WLS: variants seen among roughly 807,000 people sequenced by gnomAD.
The protein encoded by WLS is protein wntless homolog.
WLS carries 23 observed loss-of-function variants against 62.8 expected under a neutral mutation model. The ratio of observed to expected loss-of-function variants is 0.37; its 90% CI spans 0.26 to 0.52. The LOEUF (loss-of-function observed/expected upper bound fraction) is 0.52, where lower values mean the gene tolerates loss of function less well. WLS is among the 20% of genes least tolerant of loss of function. The pLI is 0.92. For synonymous variants in WLS, 246 were observed against 244.1 expected (o/e 1.01, Z -0.07); for missense variants, 615 against 697.3 (o/e 0.88, Z 1.33).
intron 1 of WLS, among the ~76,000 whole-genome samples, chr1:68,206,282 T>C (rs1439610967): frequency 6.6e-6 from 1 of 152,112 alleles, no homozygotes; most frequent in Non-Finnish European, 1.5e-5. Context: ...AGATAAAAGG[T>C]CAAATATGTG....
chr1:68,185,478 A>G (rs2100580133), intron 2 of WLS, among the ~76,000 whole-genome samples: 1 of 152,274 alleles, frequency 6.6e-6, no homozygotes, highest in Middle Eastern at 3.4e-3. Flanking sequence ...AGTAGGGGGT[A>G]AGAGGTGGGT....
chr1:68,188,151 G>C lies in WLS; in HGVS notation c.379+5804C>G, dbSNP rs575217982. 2.6e-5 allele frequency among the ~76,000 whole-genome samples: 4 copies of C among 152,282 alleles called. No individual in the cohort carries two copies. In the South Asian group the frequency reaches 8.3e-4, roughly 32 times the overall value. The stretch of plus-strand genomic sequence containing the variant: ...CTAAACAACTGCCTGTCATGTAACA[G>C]GCTGCTCGAAAGCAGCAACATACTA... On this transcript the variant is annotated intron_variant, in intron 2 of 11. Transcript: ENST00000262348.
In WLS at chr1:68,125,455, G is replaced by A. The variant is rs1646415653; in HGVS notation, c.*771C>T. On this transcript the variant is annotated 3_prime_UTR_variant, in exon 12 of 12. Coordinates refer to ENST00000262348, the MANE Select transcript of WLS (RefSeq NM_024911.7). ...TCTACACTTTTGGAGGCTATTTGAA[G>A]TATCTTATCAAAATAAAACGCATTT... The A allele has an allele frequency of 1.0e-6, 1 of 985,412 alleles. No individual in the cohort carries two copies. The highest frequency in any genetic ancestry group is 5.2e-4 in the Middle Eastern group (1 of 1,914). The allele number at this position is 985,412 out of a possible 1,614,324, so 61.0% of individuals were successfully genotyped here. A position where few individuals can be genotyped will look rare whatever the true frequency, so the allele number is the denominator to read the frequency against.
At chr1:68,170,502 A>T (rs1226771615) in intron 2 of WLS, among the ~76,000 whole-genome samples, 1 of 152,058 alleles carries the variant, frequency 6.6e-6, no homozygotes, top group Non-Finnish European at 1.5e-5. Context: ...ACTCAAGGTT[A>T]TCTACACCTG....
In WLS at chr1:68,104,698, C is replaced by T. The variant is rs1356639520; in HGVS notation, c.1511-5945G>A. 2.6e-5 allele frequency among the ~76,000 whole-genome samples: 4 copies of T among 152,090 alleles called. No homozygotes were observed. In the South Asian group the frequency reaches 6.2e-4, roughly 24 times the overall value. ...GCTGAGGCAGAAGGATCTCTTGAGC[C>T]CAGGAGTTTGATCAAGACCAGCCAG... On this transcript the variant is annotated intron_variant, in intron 11 of 11. Transcript: ENST00000354777.
intron 1 of WLS, among the ~76,000 whole-genome samples, chr1:68,201,786 T>C (rs995803486): frequency 6.6e-6 from 1 of 152,014 alleles, no homozygotes; most frequent in Admixed American, 6.6e-5. Context: ...CATAGCAGAG[T>C]TGAATGCAAA....
At chr1:68,179,160 G>A (rs1344726070) in intron 2 of WLS, among the ~76,000 whole-genome samples, 1 of 152,180 alleles carries the variant, frequency 6.6e-6, no homozygotes, top group African/African-American at 2.4e-5. Flanking sequence ...TGTCTTGACT[G>A]AGCACTATCT....
At chr1:68,193,927 A>G (rs757559174) in intron 2 of WLS, 28 bp downstream of exon 2, 33 of 1,598,912 alleles carry the variant, frequency 2.1e-5, no homozygotes, top group African/African-American at 1.3e-5. Context: ...CAAAGGGAAG[A>G]AAGGGATGAG....
chr1:68,201,717 T>C (rs1463780713), intron 1 of WLS, among the ~76,000 whole-genome samples: 1 of 152,234 alleles, frequency 6.6e-6, no homozygotes, highest in African/African-American at 2.4e-5. Context: ...TTTTTTTTAA[T>C]ACAGCAGAAC....
rs530017589 is a variant in WLS, at chr1:68,226,112, A to T, written c.106+6082T>A. On this transcript the variant is annotated intron_variant, in intron 1 of 11. Coordinates refer to ENST00000262348, the MANE Select transcript of WLS (RefSeq NM_024911.7). ...TCCATTTCATTTATCATCACATTTA[A>T]TATTTTCTTCCTTTTGATGTTACCT... Among the ~76,000 whole-genome samples the T allele has an allele frequency of 2.0e-5, 3 of 152,274 alleles. No individual in the cohort carries two copies. The South Asian group carries it at 6.2e-4, about 32-fold the overall frequency.
intron 11 of WLS, among the ~76,000 whole-genome samples, chr1:68,108,411 A>G (rs1646176415): frequency 1.3e-5 from 2 of 152,216 alleles, no homozygotes; most frequent in South Asian, 2.1e-4. Flanking sequence ...CTAAAATCCA[A>G]ATGAAGTCAT....
At chr1:68,204,693 T>C (rs1649204222) in intron 1 of WLS, among the ~76,000 whole-genome samples, 1 of 152,192 alleles carries the variant, frequency 6.6e-6, no homozygotes, top group South Asian at 2.1e-4. Flanking sequence ...CAGTTTTAGG[T>C]TCTAGCTCAA....
At chr1:68,145,021 A>G (rs572849574) in intron 9 of WLS, among the ~76,000 whole-genome samples, 13 of 152,224 alleles carry the variant, frequency 8.5e-5, no homozygotes, top group Non-Finnish European at 1.8e-4. Flanking sequence ...CAGTGAACAA[A>G]AAGAAATGTG....
intron 11 of WLS, among the ~76,000 whole-genome samples, chr1:68,132,194 A>AG (rs1646536456): frequency 6.6e-6 from 1 of 152,184 alleles, no homozygotes. Flanking sequence ...TGGGAGAGGC[A>AG]GGGGGCAGAA....
At chr1:68,161,636 G>T in intron 2 of WLS, 1 of 786,586 alleles carries the variant, frequency 1.3e-6, no homozygotes, top group Non-Finnish European at 2.1e-6. Context: ...CAGCATCAAT[G>T]ATGCATAAGT....
At chr1:68,191,741 C>T (rs545936136) in intron 2 of WLS, among the ~76,000 whole-genome samples, 142 of 152,300 alleles carry the variant, frequency 9.3e-4, no homozygotes, top group Non-Finnish European at 1.7e-3. Context: ...ATGGGAACCA[C>T]CACTTAAAAG....
chr1:68,193,398 T>TAAA lies in WLS; in HGVS notation c.379+554_379+556dup, dbSNP rs904327955. On this transcript the variant is annotated intron_variant, in intron 2 of 11. Transcript: ENST00000262348. ...TCAGAGTTTTTAACTGCAAATAAGC[T>TAAA]AAAAAAAAAAAAAAAAAAAAAAAAA... is the stretch of plus-strand genomic sequence containing the variant. Among the ~76,000 whole-genome samples the TAAA allele has an allele frequency of 4.4e-3, 68 of 15,442 alleles. 13 individuals are homozygous for TAAA. The highest frequency in any genetic ancestry group is 6.7e-3 in the Non-Finnish European group (43 of 6,452). 10.1% of individuals were successfully genotyped at this position (15,442 alleles called of 152,430 possible).
At chr1:68,221,966 G>T (rs1042897867) in intron 1 of WLS, among the ~76,000 whole-genome samples, 1 of 152,134 alleles carries the variant, frequency 6.6e-6, no homozygotes, top group Non-Finnish European at 1.5e-5. Flanking sequence ...TGAAGAAATG[G>T]CAGAGACGAA....
rs756860259 is a variant in WLS, at chr1:68,148,139, C to T, written c.1131G>A (p.Leu377=). 1.5e-5 allele frequency: 25 copies of T among 1,614,042 alleles called. No individual in the cohort carries two copies. The East Asian group carries it at 4.9e-4, about 32-fold the overall frequency. The change falls in exon 8 of 12, where the codon CTG becomes CTA. Residue 377 remains leucine (L), a synonymous_variant. Transcript: ENST00000262348. Reference sequence around the variant, plus strand: ...TGAGCCCATCAAGGAAGGATACGGCCAGCTCTGTTCCAATGTCTGTAGTCC... The same window carrying T: ...TGAGCCCATCAAGGAAGGATACGGCTAGCTCTGTTCCAATGTCTGTAGTCC... ...SIWTTDIGTE[L]AMAFIIVAGI...
Sources: gnomAD v4.1 joint callset for allele counts (sites outside exome capture counted in the v4.1 genomes callset) on GRCh38, gnomAD v4.1.1 for gene constraint, MANE v1.5 for transcripts, NCBI Gene and HGNC (gene_info 2026-07-23, HGNC 2026-07-21) for gene names.